Variants in STK24 observed in about 807,000 individuals in gnomAD.
STK24 encodes the protein serine/threonine-protein kinase 24.
STK24 carries 21 observed loss-of-function variants against 55.6 expected under a neutral mutation model. That is an observed-to-expected ratio of 0.38 (90% confidence interval 0.27 to 0.54). The LOEUF (loss-of-function observed/expected upper bound fraction) is 0.54, where lower values mean the gene tolerates loss of function less well. Ranked by LOEUF, STK24 falls within the 20% of genes least tolerant of loss-of-function variation. The probability of loss-of-function intolerance (pLI) is 0.79; values close to 1 mark genes in which losing one functional copy is unlikely to be tolerated. For missense variants in STK24, 383 were observed against 538.4 expected, an observed-to-expected ratio of 0.71 and a Z score of 2.86; for synonymous variants, 200 against 215.2, an observed-to-expected ratio of 0.93 and a Z score of 0.62.
At chr13:98,576,192 A>T (rs1897886806) in intron 1 of STK24, 3 of 985,196 alleles carry the variant, frequency 3.0e-6, no homozygotes, top group Middle Eastern at 5.2e-4. Flanking sequence ...CTGCAAGTGG[A>T]ACTCGCGGTT....
chr13:98,510,544 A>C (rs963975506), intron 2 of STK24, among the ~76,000 whole-genome samples: 1 of 152,266 alleles, frequency 6.6e-6, no homozygotes, highest in Non-Finnish European at 1.5e-5. Flanking sequence ...CCAACTGATA[A>C]ATAGATAACA....
At chr13:98,482,611 A>G (rs1192674922) in intron 2 of STK24, among the ~76,000 whole-genome samples, 1 of 152,180 alleles carries the variant, frequency 6.6e-6, no homozygotes, top group Non-Finnish European at 1.5e-5. Flanking sequence ...CAGAAAGCAG[A>G]CTGGGTGTTT....
rs866741822 is a variant in STK24, at chr13:98,494,072, G to T, written c.274-11751C>A. 2.1e-4 allele frequency among the ~76,000 whole-genome samples: 31 copies of T among 148,788 alleles called. No homozygotes were observed. The South Asian group carries it at 6.6e-3, about 32-fold the overall frequency. ...TTAGCCAGGATGGTCTCGATCTCCT[G>T]ACCTCGTGATCCGCCCGCCTCGGCC... On this transcript the variant is annotated intron_variant, in intron 2 of 10. Coordinates refer to ENST00000539966, the MANE Select transcript of STK24 (RefSeq NM_001032296.4).
chr13:98,532,007 T>C (rs1594645931), intron 1 of STK24, among the ~76,000 whole-genome samples: 1 of 152,184 alleles, frequency 6.6e-6, no homozygotes, highest in Non-Finnish European at 1.5e-5. Context: ...AACAGCTCGA[T>C]GTCCCAGCTT....
At position 98,447,105 on chromosome 13, in the gene STK24, C is replaced by A; in HGVS notation, c.*6068G>T. 1 of 356,352 alleles carries A rather than the reference C, an allele frequency of 2.8e-6. No homozygotes were observed. Among genetic ancestry groups the A allele is most frequent in the Non-Finnish European group, 5.2e-6 (1 of 191,110 alleles). The allele number at this position is 356,352 out of a possible 1,614,324, so 22.1% of individuals were successfully genotyped here. On this transcript the variant is annotated 3_prime_UTR_variant, in exon 11 of 11. Transcript: ENST00000539966. ...TGTCCGGGATGATGAAGCTAAGCCC[C>A]AGTGAGACTGCCTACATGGTGTAAT...
rs1316139376 is a variant in STK24 at position 98,577,042 on chromosome 13, T to TGCC, written c.-259_-257dup. 2 of 147,398 alleles carry TGCC rather than the reference T, an allele frequency of 1.4e-5. No homozygotes were observed. Among genetic ancestry groups the TGCC allele is most frequent in the Non-Finnish European group, 1.5e-5 (1 of 66,808 alleles). 9.1% of individuals were successfully genotyped at this position (147,398 alleles called of 1,614,324 possible). ...CGCGCACTGCCGCCGCCGCCGCTGC[T>TGCC]GCCGCTACTGCTGGGCTGGAGCCGG... On this transcript the variant is annotated 5_prime_UTR_variant, in exon 1 of 11. Transcript: ENST00000539966. The surrounding 1 kb of genome is among the most constrained non-coding windows in gnomAD (Gnocchi z 4.1).
At chr13:98,527,962 C>T (rs1223063460) in intron 1 of STK24, among the ~76,000 whole-genome samples, 5 of 152,198 alleles carry the variant, frequency 3.3e-5, no homozygotes, top group South Asian at 2.1e-4. Context: ...CCTGACTCAA[C>T]GGCAGAAAGC....
intron 1 of STK24, among the ~76,000 whole-genome samples, chr13:98,537,858 C>T (rs2139414227): frequency 6.6e-6 from 1 of 152,254 alleles, no homozygotes. Context: ...GCTGCCTCTT[C>T]TATAGATGGG....
rs1897525832 is a variant in STK24, at chr13:98,564,917, A to G, written c.42+11828T>C. The stretch of plus-strand genomic sequence containing the variant: ...TTCCAAGGTCAAAAAGACATGGAAC[A>G]CACATCCTCTGCCCCCAACAGGTTT... On this transcript the variant is annotated intron_variant, in intron 1 of 10. Transcript: ENST00000539966. Among the ~76,000 whole-genome samples, 4 of 152,238 alleles carry G rather than the reference A, an allele frequency of 2.6e-5. No individual in the cohort carries two copies. In the South Asian group the frequency reaches 8.3e-4, roughly 32 times the overall value.
intron 9 of STK24, 92 bp downstream of exon 9, chr13:98,460,280 C>T: frequency 8.2e-7 from 1 of 1,225,488 alleles, no homozygotes; most frequent in South Asian, 1.3e-5. Flanking sequence ...CTTAATGTCC[C>T]CAACTCTTAA....
At chr13:98,467,921 G>T (rs192482701) in intron 5 of STK24, among the ~76,000 whole-genome samples, 3 of 152,344 alleles carry the variant, frequency 2.0e-5, no homozygotes, top group Admixed American at 2.0e-4. Context: ...GACGAATGGG[G>T]ACTGGGGTAG....
At position 98,463,955 on chromosome 13, in the gene STK24, A is replaced by G. The variant is rs981699144; in HGVS notation, c.784-119T>C. Reference sequence around the variant, plus strand: ...CTGACACCTGATGGCTGGACTCTCTACTCCACAGCGCTTCTCACTGCAACT... The same window carrying G: ...CTGACACCTGATGGCTGGACTCTCTGCTCCACAGCGCTTCTCACTGCAACT... On this transcript the variant is annotated intron_variant, in intron 6 of 10. Coordinates refer to ENST00000539966, the MANE Select transcript of STK24 (RefSeq NM_001032296.4). 7 of 1,179,826 alleles carry G rather than the reference A, an allele frequency of 5.9e-6. No homozygotes were observed. In the African/African-American group the frequency reaches 6.2e-5, roughly 10 times the overall value. 73.1% of individuals were successfully genotyped at this position (1,179,826 alleles called of 1,614,324 possible). A position where few individuals can be genotyped will look rare whatever the true frequency, so the allele number is the denominator to read the frequency against.
chr13:98,493,720 G>T (rs1230368245), intron 2 of STK24, among the ~76,000 whole-genome samples: 3 of 151,920 alleles, frequency 2.0e-5, no homozygotes, highest in Non-Finnish European at 4.4e-5. Context: ...CAAAAAAAGT[G>T]ATTTTTTATG....
At chr13:98,477,340 T>C (rs1894415414) in intron 3 of STK24, among the ~76,000 whole-genome samples, 1 of 152,196 alleles carries the variant, frequency 6.6e-6, no homozygotes, top group Non-Finnish European at 1.5e-5. Flanking sequence ...TTGTTCATAA[T>C]GCTGGAGTGC....
chr13:98,571,083 G>A (rs991654265), intron 1 of STK24, among the ~76,000 whole-genome samples: 66 of 152,240 alleles, frequency 4.3e-4, no homozygotes, highest in African/African-American at 1.5e-3. Context: ...GGGAGTAATC[G>A]CCCAAATAAA....
At position 98,540,429 on chromosome 13, in the gene STK24, CTG is replaced by C. The variant is rs926203195; in HGVS notation, c.43-20958_43-20957del. ...TTAGACTTCTGTCTCTCACAAATGA[CTG>C]TGAGATCCTTAAGGGCAAAGACTTC... On this transcript the variant is annotated intron_variant, in intron 1 of 10. Coordinates refer to ENST00000539966, the MANE Select transcript of STK24 (RefSeq NM_001032296.4). Among the ~76,000 whole-genome samples, 4 of 152,214 alleles carry C rather than the reference CTG, an allele frequency of 2.6e-5. No individual in the cohort carries two copies. The South Asian group carries it at 8.3e-4, about 32-fold the overall frequency.
chr13:98,452,671 T>C lies in STK24; in HGVS notation c.*502A>G, dbSNP rs1893253823. ...CCACTGACGTTATCTACAGAAGCAC[T>C]TGGCCAGTTTGTACACAGTGATTCC... On this transcript the variant is annotated 3_prime_UTR_variant, in exon 11 of 11. Transcript: ENST00000539966. The C allele has an allele frequency of 6.5e-6, 1 of 153,124 alleles. No individual in the cohort carries two copies. Among genetic ancestry groups the C allele is most frequent in the South Asian group, 2.1e-4 (1 of 4,862 alleles). The allele number at this position is 153,124 out of a possible 1,614,324, so 9.5% of individuals were successfully genotyped here.
At position 98,452,906 on chromosome 13, in the gene STK24, A is replaced by C. The variant is rs186790612; in HGVS notation, c.*267T>G. ...AAAGACACTTTCCTGGAATATGTGC[A>C]CTATGGTTAAAATTAAAAACAAAAG... is the stretch of plus-strand genomic sequence containing the variant. On this transcript the variant is annotated 3_prime_UTR_variant, in exon 11 of 11. Transcript: ENST00000539966. 4.9e-5 allele frequency: 19 copies of C among 387,062 alleles called. No individual in the cohort carries two copies. The highest frequency in any genetic ancestry group is 3.3e-4 in the African/African-American group (16 of 48,246). 24.0% of individuals were successfully genotyped at this position (387,062 alleles called of 1,614,324 possible).
At chr13:98,536,518 C>G (rs1332343688) in intron 1 of STK24, among the ~76,000 whole-genome samples, 1 of 152,040 alleles carries the variant, frequency 6.6e-6, no homozygotes, top group African/African-American at 2.4e-5. Flanking sequence ...ATGTGTGCCA[C>G]CATGCCTGGC....
Sources: gnomAD v4.1 joint callset for allele counts (sites outside exome capture counted in the v4.1 genomes callset) on GRCh38, gnomAD v4.1.1 for gene constraint, Gnocchi (gnomAD v3.1) non-coding constraint, MANE v1.5 for transcripts, NCBI Gene and HGNC (gene_info 2026-07-23, HGNC 2026-07-21) for gene names.